The following DGKB variants were observed in gnomAD, a reference collection of about 807,000 sequenced individuals.
The protein encoded by DGKB is 90 kDa diacylglycerol kinase.
Under a neutral mutation model 114.3 loss-of-function variants are expected in DGKB, and 67 were observed. That is an observed-to-expected ratio of 0.59 (90% CI 0.48 to 0.72). The LOEUF (loss-of-function observed/expected upper bound fraction) is 0.72, where lower values mean the gene tolerates loss of function less well. Ranked by LOEUF, DGKB falls within the 30% of genes least tolerant of loss-of-function variation. The probability of loss-of-function intolerance (pLI) is 0.00; values close to 1 mark genes in which losing one functional copy is unlikely to be tolerated. For synonymous variants in DGKB, 398 were observed against 323.1 expected (o/e 1.23, Z -2.49); for missense variants, 907 against 975.2 (o/e 0.93, Z 0.93).
At chr7:14,803,994 CTTATTA>C (rs1206076961) in intron 2 of DGKB, among the ~76,000 whole-genome samples, 1 of 151,402 alleles carries the variant, frequency 6.6e-6, no homozygotes, top group East Asian at 1.9e-4. Flanking sequence ...AAAGAAATTA[CTTATTA>C]TTATTATTTA....
chr7:14,874,310 C>G (rs1470033182), intron 1 of DGKB, among the ~76,000 whole-genome samples: 1 of 152,028 alleles, frequency 6.6e-6, no homozygotes, highest in Non-Finnish European at 1.5e-5. Flanking sequence ...AGCAGACATA[C>G]ATTTACAAAA....
At chr7:14,479,513 T>C (rs1782678905) in intron 20 of DGKB, among the ~76,000 whole-genome samples, 1 of 152,136 alleles carries the variant, frequency 6.6e-6, no homozygotes, top group Non-Finnish European at 1.5e-5. Flanking sequence ...TAATAAAGGT[T>C]ACAAAAATCC....
chr7:14,610,421 G>T (rs1346708073), intron 16 of DGKB, among the ~76,000 whole-genome samples: 1 of 151,972 alleles, frequency 6.6e-6, no homozygotes, highest in Admixed American at 6.6e-5. Context: ...AAAACTACCT[G>T]TTGGGTACTA....
At chr7:14,471,939 C>T (rs1401259257) in intron 21 of DGKB, among the ~76,000 whole-genome samples, 2 of 151,922 alleles carry the variant, frequency 1.3e-5, no homozygotes, top group African/African-American at 4.8e-5. Context: ...TACTTCTGAC[C>T]AGGGGGCTGA....
At chr7:14,505,161 T>C (rs924541059) in intron 20 of DGKB, among the ~76,000 whole-genome samples, 3 of 152,168 alleles carry the variant, frequency 2.0e-5, no homozygotes, top group African/African-American at 7.2e-5. Context: ...GTTTCAAGAA[T>C]AGACTAAACT....
intron 21 of DGKB, among the ~76,000 whole-genome samples, chr7:14,360,755 C>G (rs542501448): frequency 2.6e-4 from 40 of 151,998 alleles, no homozygotes; most frequent in African/African-American, 8.7e-4. Context: ...AATCACTAGG[C>G]AAAGCAATCT....
At chr7:14,513,640 C>A (rs1022343670) in intron 20 of DGKB, among the ~76,000 whole-genome samples, 7 of 151,818 alleles carry the variant, frequency 4.6e-5, no homozygotes, top group African/African-American at 1.7e-4. Flanking sequence ...CATTTTTAAA[C>A]AAGAGCAGTG....
At chr7:14,922,547 AC>A (rs1784560864) in intron 1 of DGKB, among the ~76,000 whole-genome samples, 1 of 152,040 alleles carries the variant, frequency 6.6e-6, no homozygotes, top group South Asian at 2.1e-4. Flanking sequence ...GGAATTCTTT[AC>A]AAAAATGATA....
chr7:14,458,169 T>C (rs1832572101), intron 21 of DGKB, among the ~76,000 whole-genome samples: 1 of 152,188 alleles, frequency 6.6e-6, no homozygotes, highest in Non-Finnish European at 1.5e-5. Context: ...CGATTTCAGG[T>C]ATTCTAACCA....
chr7:14,492,758 C>A (rs774709664), intron 20 of DGKB, among the ~76,000 whole-genome samples: 22 of 151,958 alleles, frequency 1.4e-4, no homozygotes, highest in Middle Eastern at 3.4e-3. Context: ...ATAATAAGGG[C>A]CAAGAAATTT....
chr7:14,812,173 T>G (rs1178277431), intron 2 of DGKB, among the ~76,000 whole-genome samples: 1 of 152,222 alleles, frequency 6.6e-6, no homozygotes, highest in Admixed American at 6.5e-5. Flanking sequence ...ACATTTTGTT[T>G]ATCAAATCAT....
At chr7:14,912,433 T>C (rs1184535970) in intron 1 of DGKB, among the ~76,000 whole-genome samples, 1 of 152,114 alleles carries the variant, frequency 6.6e-6, no homozygotes, top group Non-Finnish European at 1.5e-5. Flanking sequence ...AGAGTGTGCC[T>C]CAGAGGAATG....
chr7:14,728,276 G>A (rs1156960813), intron 5 of DGKB, among the ~76,000 whole-genome samples: 2 of 152,108 alleles, frequency 1.3e-5, no homozygotes, highest in African/African-American at 4.8e-5. Context: ...TCTCCTTCAT[G>A]ATAGCTGCCA....
intron 20 of DGKB, among the ~76,000 whole-genome samples, chr7:14,567,716 C>T (rs1220754772): frequency 6.7e-6 from 1 of 149,328 alleles, no homozygotes; most frequent in Non-Finnish European, 1.5e-5. Context: ...AAGCACTTGT[C>T]CTGCCTCAGC....
chr7:14,703,707 C>A (rs1361349620), intron 6 of DGKB, among the ~76,000 whole-genome samples: 5 of 152,130 alleles, frequency 3.3e-5, no homozygotes, highest in Non-Finnish European at 7.3e-5. Flanking sequence ...AGGCAACCAT[C>A]CCAGCCCAAT....
intron 2 of DGKB, among the ~76,000 whole-genome samples, chr7:14,809,088 T>C (rs1843102669): frequency 6.6e-6 from 1 of 152,162 alleles, no homozygotes; most frequent in African/African-American, 2.4e-5. Context: ...TTGAGTTTTC[T>C]CTTAGTATTA....
chr7:14,335,741 T>C (rs984644160), intron 23 of DGKB, among the ~76,000 whole-genome samples: 2 of 152,056 alleles, frequency 1.3e-5, no homozygotes, highest in Non-Finnish European at 2.9e-5. Context: ...TTTGTTGTGT[T>C]TTTGTTTTGT....
rs972049130 is a variant in DGKB at position 14,753,809 on chromosome 7, A to G, written c.168+119T>C. 5 of 744,408 alleles carry G rather than the reference A, an allele frequency of 6.7e-6. No individual in the cohort carries two copies. In the East Asian group the frequency reaches 1.4e-4, roughly 20 times the overall value. The allele number at this position is 744,408 out of a possible 1,614,324, so 46.1% of individuals were successfully genotyped here. ...CTATGAGTATTATAGGCAACCTTGT[A>G]TACTATAGAAATCATATTGGTACAG... is the stretch of plus-strand genomic sequence containing the variant. On this transcript the variant is annotated intron_variant, in intron 4 of 25. Coordinates refer to ENST00000402815, the MANE Select transcript of DGKB (RefSeq NM_001350709.2).
At chr7:14,527,955 G>A (rs996745503) in intron 20 of DGKB, among the ~76,000 whole-genome samples, 1 of 151,962 alleles carries the variant, frequency 6.6e-6, no homozygotes, top group Non-Finnish European at 1.5e-5. Flanking sequence ...GAAGTAAGAT[G>A]GAAATTTTTA....
Sources: allele counts gnomAD v4.1 joint callset (sites outside exome capture counted in the v4.1 genomes callset), GRCh38; gene constraint gnomAD v4.1.1; transcripts MANE v1.5; gene names NCBI Gene and HGNC (gene_info 2026-07-23, HGNC 2026-07-21).